Variants in LRWD1 observed in about 807,000 individuals in gnomAD.
LRWD1 encodes the protein leucine-rich repeat and WD repeat-containing protein 1.
In LRWD1, 76 loss-of-function variants were observed where a neutral mutation model predicts 75.6. That is an observed-to-expected ratio of 1.01 (90% CI 0.84 to 1.22). LRWD1 has a LOEUF of 1.22. Ranked by LOEUF, LRWD1 falls within the 50% of genes most tolerant of loss-of-function variation. The probability of loss-of-function intolerance (pLI) is 0.00; values close to 1 mark genes in which losing one functional copy is unlikely to be tolerated. For missense variants in LRWD1, 917 were observed against 862.0 expected (o/e 1.06, Z -0.80); for synonymous variants, 487 against 377.0 (o/e 1.29, Z -3.38).
At chr7:102,465,732 GA>G in intron 1 of LRWD1, 84 bp from the exon 2 acceptor site, 2 of 983,692 alleles carry the variant, frequency 2.0e-6, no homozygotes, top group East Asian at 2.5e-5. Flanking sequence ...AATGTCAGGT[GA>G]AAAAGCCTTC....
intron 11 of LRWD1, chr7:102,471,978 G>A (rs1200101219): frequency 2.4e-5 from 12 of 507,288 alleles, no homozygotes; most frequent in South Asian, 4.1e-5. Flanking sequence ...GCCCCGTCCT[G>A]GAAGAGCCAC....
At chr7:102,467,239 G>T in intron 3 of LRWD1, 100 bp from the exon 4 acceptor site, 2 of 1,268,642 alleles carry the variant, frequency 1.6e-6, no homozygotes, top group Non-Finnish European at 2.2e-6. Context: ...GATTCCAGGA[G>T]GCTTCCAGCA....
At chr7:102,472,640 G>A (rs751398823) in intron 13 of LRWD1, 31 bp downstream of exon 13, 18 of 1,610,216 alleles carry the variant, frequency 1.1e-5, no homozygotes, top group Non-Finnish European at 1.4e-5. Flanking sequence ...GCCCCATCCC[G>A]CGGGCTTCCG....
At chr7:102,466,916 G>A (rs929084330) in intron 3 of LRWD1, among the ~76,000 whole-genome samples, 2 of 151,370 alleles carry the variant, frequency 1.3e-5, no homozygotes, top group African/African-American at 4.9e-5. Flanking sequence ...GAATAGCTGG[G>A]GCTTTAGGCG....
At chr7:102,466,716 C>G (rs1466405282) in intron 3 of LRWD1, among the ~76,000 whole-genome samples, 1 of 148,234 alleles carries the variant, frequency 6.7e-6, no homozygotes. Context: ...CCACACCCGG[C>G]CTGACTCTTC....
Position 102,468,684 on chromosome 7 carries a change from A to C in LRWD1, c.1020+30A>C, listed in dbSNP as rs746591155. The stretch of plus-strand genomic sequence containing the variant: ...GTGCAAGGCCCTGTCCCTGCTGGGC[A>C]AGGGTGCCCGACTGACTCCTGAACA... On this transcript the variant is annotated intron_variant, in intron 8 of 14. Coordinates refer to ENST00000292616, the MANE Select transcript of LRWD1 (RefSeq NM_152892.3). 133 of 1,551,564 alleles carry C rather than the reference A, an allele frequency of 8.6e-5. No homozygotes were observed. The East Asian group carries it at 3.2e-3, about 37-fold the overall frequency.
At chr7:102,472,014 T>A in intron 11 of LRWD1, 2 of 570,780 alleles carry the variant, frequency 3.5e-6, no homozygotes, top group South Asian at 3.9e-5. Context: ...GTCACTACTG[T>A]GACTCGGGAC....
At position 102,473,088 on chromosome 7, in the gene LRWD1, A is replaced by G. The variant is rs757359306; in HGVS notation, c.*39A>G. ...CAAAGGACCAGGGACACAGCTAACT[A>G]ACTTATTCAGCTTTGGGCCGATGGG... On this transcript the variant is annotated 3_prime_UTR_variant, in exon 15 of 15. Coordinates refer to ENST00000292616, the MANE Select transcript of LRWD1 (RefSeq NM_152892.3). 2.5e-6 allele frequency: 4 copies of G among 1,569,370 alleles called. No individual in the cohort carries two copies. The East Asian group carries it at 7.1e-5, about 28-fold the overall frequency.
rs1201059781 is a variant in LRWD1 at position 102,472,463 on chromosome 7, G to A, written c.1544G>A (p.Gly515Glu). 8 of 1,536,062 alleles carry A rather than the reference G, an allele frequency of 5.2e-6. No individual in the cohort carries two copies. Among genetic ancestry groups the A allele is most frequent in the Non-Finnish European group, 6.1e-6 (7 of 1,138,564 alleles). Residue 515 changes from glycine to glutamate, a missense_variant, in exon 13 of 15, where the codon GGG becomes GAG. Coordinates refer to ENST00000292616, the MANE Select transcript of LRWD1 (RefSeq NM_152892.3). Reference protein sequence around the residue: ...FVNEDIVASKGSGLGTICLWS... With the variant: ...FVNEDIVASKESGLGTICLWS... ...CCCTTCTCCCCCACAGCCTCCAAGG[G>A]GAGCGGCCTGGGCACCATCTGCCTG...
chr7:102,467,120 T>TGG (rs1798013455), intron 3 of LRWD1, among the ~76,000 whole-genome samples: 2 of 120,214 alleles, frequency 1.7e-5, no homozygotes, highest in African/African-American at 3.0e-5. Context: ...GTTGCTGGGG[T>TGG]GTGTGTGTGT....
At position 102,468,634 on chromosome 7, in the gene LRWD1, AAGTACAAGGCACCCGGCGAGGTG is replaced by A; in HGVS notation, c.1004_1020+6del. On this transcript the variant is annotated splice_donor_variant and splice_donor_region_variant and coding_sequence_variant and intron_variant, in exon 8 of 15. Coordinates refer to ENST00000292616, the MANE Select transcript of LRWD1 (RefSeq NM_152892.3). LOFTEE classifies it high-confidence loss of function. The stretch of plus-strand genomic sequence containing the variant: ...TTGCCAGACGGGCATCGTGCTCCAC[AAGTACAAGGCACCCGGCGAGGTG>A]AGTGCAAGGCCCTGTCCCTGCTGGG... 3.8e-6 allele frequency: 6 copies of A among 1,572,602 alleles called. No homozygotes were observed. Among genetic ancestry groups the A allele is most frequent in the Non-Finnish European group, 5.2e-6 (6 of 1,158,888 alleles).
chr7:102,469,080 AC>A lies in LRWD1; in HGVS notation c.1228+22del, dbSNP rs1798106951. On this transcript the variant is annotated intron_variant, in intron 9 of 14. Coordinates refer to ENST00000292616, the MANE Select transcript of LRWD1 (RefSeq NM_152892.3). ...TCTCTTCAGTAAGCCCCTCCCCTTCACCCCTGGGACCCCCAAGCACCCCTGT... is the reference window on the plus strand; with the variant it reads ...TCTCTTCAGTAAGCCCCTCCCCTTCACCCTGGGACCCCCAAGCACCCCTGT... 1 of 1,555,820 alleles carries A rather than the reference AC, an allele frequency of 6.4e-7. No homozygotes were observed. The highest frequency in any genetic ancestry group is 8.7e-7 in the Non-Finnish European group (1 of 1,148,254).
chr7:102,472,592 C>T lies in LRWD1; in HGVS notation c.1673C>T (p.Ser558Leu), dbSNP rs150762600. 93 of 1,608,592 alleles carry T rather than the reference C, an allele frequency of 5.8e-5. No homozygotes were observed. Among genetic ancestry groups the T allele is most frequent in the Non-Finnish European group, 6.9e-5 (81 of 1,177,508 alleles). The stretch of plus-strand genomic sequence containing the variant: ...TCGTCCACCGAGTTGGCCTACTTCT[C>T]GCTCAGCGCCTGCCCTGGTGAGCCT... Reference protein sequence around the residue: ...QWSSTELAYFSLSACPDKGIV... With the variant: ...QWSSTELAYFLLSACPDKGIV... The change falls in exon 13 of 15, where the codon TCG becomes TTG. Residue 558 changes from serine to leucine, a missense_variant. By Grantham distance (145) the Ser-to-Leu change is moderately radical (BLOSUM62 -2). Coordinates refer to ENST00000292616, the MANE Select transcript of LRWD1 (RefSeq NM_152892.3).
chr7:102,469,695 C>T (rs747079752), intron 10 of LRWD1, 47 bp from the exon 11 acceptor site: 12 of 1,613,638 alleles, frequency 7.4e-6, no homozygotes, highest in East Asian at 2.2e-5. Flanking sequence ...GGGGCAGGGA[C>T]ACCTCGGTCT....
rs753613507 is a variant in LRWD1, at chr7:102,472,742, G to A, written c.1741G>A (p.Asp581Asn). 1.5e-5 allele frequency: 24 copies of A among 1,613,352 alleles called. No individual in the cohort carries two copies. The highest frequency in any genetic ancestry group is 8.8e-5 in the South Asian group (8 of 91,090). ...TGAGGAGGGCAACGTGTGGCTCTAC[G>A]ACGTCAGCAACATCCTGAAGCAGCC... ...GDEEGNVWLY[D>N]VSNILKQPPL... Residue 581 changes from aspartate (D) to asparagine (N), a missense_variant, in exon 14 of 15, where the codon GAC (aspartate) becomes AAC (asparagine). Transcript: ENST00000292616.
intron 3 of LRWD1, among the ~76,000 whole-genome samples, chr7:102,466,760 C>CTTTTTTTGTTTT (rs1797991450): frequency 1.9e-5 from 1 of 53,050 alleles, no homozygotes; most frequent in African/African-American, 8.9e-5. Flanking sequence ...TCTTTTTTAC[C>CTTTTTTTGTTTT]TTTTTTTTTT....
chr7:102,468,447 G>A (rs1317156390), intron 7 of LRWD1, 70 bp downstream of exon 7: 1 of 1,541,488 alleles, frequency 6.5e-7, no homozygotes, highest in Non-Finnish European at 8.8e-7. Context: ...GGGGGATCAG[G>A]AGACAGAGCT....
intron 13 of LRWD1, 22 bp from the exon 14 acceptor site, chr7:102,472,670 G>C (rs763286161): frequency 6.2e-7 from 1 of 1,613,180 alleles, no homozygotes; most frequent in East Asian, 2.2e-5. Flanking sequence ...CCCCCACTCA[G>C]ACTCCACCTC....
rs1158931039 is a variant in LRWD1, at chr7:102,465,009, C to T, written c.-72C>T. On this transcript the variant is annotated 5_prime_UTR_variant, in exon 1 of 15. Transcript: ENST00000292616. ...AGTTACCGCGGACGCCAGTGCCGGGCTCCAGGAGACGCAGGGCGACGCCAC... is the reference window on the plus strand; with the variant it reads ...AGTTACCGCGGACGCCAGTGCCGGGTTCCAGGAGACGCAGGGCGACGCCAC... 1.2e-5 allele frequency: 16 copies of T among 1,375,868 alleles called. No individual in the cohort carries two copies. The highest frequency in any genetic ancestry group is 3.7e-5 in the Admixed American group (1 of 26,756). 85.2% of individuals were successfully genotyped at this position (1,375,868 alleles called of 1,614,324 possible). A position where few individuals can be genotyped will look rare whatever the true frequency, so the allele number is the denominator to read the frequency against.
Sources: allele counts gnomAD v4.1 joint callset (sites outside exome capture counted in the v4.1 genomes callset), GRCh38; gene constraint gnomAD v4.1.1; transcripts MANE v1.5; gene names NCBI Gene and HGNC (gene_info 2026-07-23, HGNC 2026-07-21).